Variants in EDA observed in about 807,000 individuals in gnomAD.
The protein encoded by EDA is ectodysplasin-A.
Under a neutral mutation model 23.6 loss-of-function variants are expected in EDA, and 2 were observed. That is an observed-to-expected ratio of 0.08 (90% CI 0.03 to 0.27). The LOEUF (loss-of-function observed/expected upper bound fraction) is 0.27, where lower values mean the gene tolerates loss of function less well. Among genes scored for constraint, EDA ranks in the 10% least tolerant of loss-of-function variants. EDA has a pLI of 1.00. For synonymous variants in EDA, 131 were observed against 132.0 expected (o/e 0.99, Z 0.05); for missense variants, 229 against 324.2 (o/e 0.71, Z 2.26).
At position 70,029,355 on chromosome X, in the gene EDA, C is replaced by CT. The variant is rs2020167534; in HGVS notation, c.707-148dup. ...GGGCAGGAAACAGAAGGGGTGCACTCTGACTCTTCCTCCAGCTCTGAGCCC... is the reference window on the plus strand; with the variant it reads ...GGGCAGGAAACAGAAGGGGTGCACTCTTGACTCTTCCTCCAGCTCTGAGCCC... On this transcript the variant is annotated intron_variant, in intron 4 of 7. Coordinates refer to ENST00000374552, the MANE Select transcript of EDA (RefSeq NM_001399.5). The CT allele has an allele frequency of 1.2e-5, 8 of 674,668 alleles. No homozygotes were observed. In the Admixed American group the frequency reaches 2.1e-4, roughly 17 times the overall value. 55.6% of individuals were successfully genotyped at this position (674,668 alleles called of 1,213,427 possible).
intron 4 of EDA, among the ~76,000 whole-genome samples, chrX:70,028,257 C>T (rs1268807399): frequency 4.5e-5 from 5 of 111,464 alleles, no homozygotes; most frequent in African/African-American, 1.6e-4. Flanking sequence ...GGACAGGCCA[C>T]CTGTTCTTGC....
intron 2 of EDA, among the ~76,000 whole-genome samples, chrX:69,970,438 A>G (rs975681681): frequency 6.3e-5 from 7 of 111,946 alleles, no homozygotes; most frequent in African/African-American, 2.3e-4. Context: ...AATAGTACTA[A>G]TTTATTTCTC....
At chrX:69,815,475 A>G (rs774266686) in intron 1 of EDA, among the ~76,000 whole-genome samples, 1 of 108,376 alleles carries the variant, frequency 9.2e-6, no homozygotes, top group Non-Finnish European at 1.9e-5. Context: ...AGTTGGGTAG[A>G]CTCAGCCGTT....
intron 1 of EDA, among the ~76,000 whole-genome samples, chrX:69,867,521 C>T (rs929751481): frequency 2.7e-5 from 3 of 112,333 alleles, no homozygotes; most frequent in Non-Finnish European, 5.6e-5. Context: ...TATAATCGCA[C>T]ATCTGGCCAT....
chrX:70,027,696 G>A (rs1025759088), intron 3 of EDA, among the ~76,000 whole-genome samples, 161 bp from the exon 4 acceptor site: 1 of 110,744 alleles, frequency 9.0e-6, no homozygotes, highest in Non-Finnish European at 1.9e-5. Context: ...GGTGGCACGC[G>A]CCTGTAATCC....
intron 1 of EDA, among the ~76,000 whole-genome samples, chrX:69,828,858 T>A (rs1355860265): frequency 8.9e-6 from 1 of 112,628 alleles, no homozygotes; most frequent in African/African-American, 3.2e-5. Context: ...TTTTGTCAAG[T>A]GACAGCTAGT....
At chrX:69,651,478 T>A (rs1478720477) in intron 1 of EDA, among the ~76,000 whole-genome samples, 2 of 102,848 alleles carry the variant, frequency 1.9e-5, no homozygotes, top group African/African-American at 7.2e-5. Context: ...ATATAATCTA[T>A]CTACTGATGT....
intron 1 of EDA, among the ~76,000 whole-genome samples, chrX:69,784,755 G>A (rs1176823762): frequency 1.9e-5 from 2 of 104,620 alleles, no homozygotes; most frequent in African/African-American, 3.5e-5. Flanking sequence ...TTTTGGCTTA[G>A]GATTGACTTG....
intron 1 of EDA, among the ~76,000 whole-genome samples, chrX:69,691,532 T>C (rs924739948): frequency 8.9e-6 from 1 of 112,088 alleles, no homozygotes; most frequent in Admixed American, 9.5e-5. Context: ...TTTCAGAATG[T>C]AAGCAGGTGA....
At chrX:69,717,073 G>A (rs1052881635) in intron 1 of EDA, among the ~76,000 whole-genome samples, 2 of 111,133 alleles carry the variant, frequency 1.8e-5, no homozygotes, top group Non-Finnish European at 3.8e-5. Flanking sequence ...TCTCTTGTGT[G>A]ATTGCTCTGG....
At chrX:69,942,777 G>A (rs1250166402) in intron 1 of EDA, among the ~76,000 whole-genome samples, 9 of 111,268 alleles carry the variant, frequency 8.1e-5, no homozygotes, top group Admixed American at 6.7e-4. Context: ...TTTGAAGAAA[G>A]TTTCTGCCCT....
intron 1 of EDA, among the ~76,000 whole-genome samples, chrX:69,709,606 C>T (rs2011886580): frequency 9.0e-6 from 1 of 111,608 alleles, no homozygotes; most frequent in African/African-American, 3.3e-5. Context: ...AGTTTTTTTC[C>T]TAATGAACCC....
At chrX:69,655,447 A>G (rs1933274999) in intron 1 of EDA, among the ~76,000 whole-genome samples, 1 of 110,162 alleles carries the variant, frequency 9.1e-6, no homozygotes, top group African/African-American at 3.3e-5. Flanking sequence ...CAGGAATCTT[A>G]CATTCCTATG....
chrX:69,793,919 GTC>G (rs2015481000), intron 1 of EDA, among the ~76,000 whole-genome samples: 1 of 111,130 alleles, frequency 9.0e-6, no homozygotes, highest in Non-Finnish European at 1.9e-5. Flanking sequence ...TAGAAAACTC[GTC>G]TCTGGCAAAA....
intron 1 of EDA, among the ~76,000 whole-genome samples, chrX:69,681,396 G>A (rs945548939): frequency 1.8e-5 from 2 of 110,682 alleles, no homozygotes; most frequent in Non-Finnish European, 3.8e-5. Context: ...AAGTTCTCCT[G>A]GATAATATCC....
Position 69,676,074 on chromosome X carries a change from A to G in EDA, c.396+59370A>G, listed in dbSNP as rs148886602. 2.9e-4 allele frequency among the ~76,000 whole-genome samples: 32 copies of G among 111,268 alleles called. No individual in the cohort carries two copies. The East Asian group carries it at 7.7e-3, about 27-fold the overall frequency. ...TGACTGAAGCAGAATGAGTAAAAGG[A>G]AGAGTAATAGAGGTGAGGTCAGAGA... On this transcript the variant is annotated intron_variant, in intron 1 of 7. Coordinates refer to ENST00000374552, the MANE Select transcript of EDA (RefSeq NM_001399.5).
chrX:69,891,964 G>T (rs1163631434), intron 1 of EDA, among the ~76,000 whole-genome samples: 1 of 111,585 alleles, frequency 9.0e-6, no homozygotes. Flanking sequence ...GTTAGAAAAG[G>T]ACGCAGGAGA....
intron 1 of EDA, among the ~76,000 whole-genome samples, chrX:69,647,643 A>T (rs1464193986): frequency 9.0e-6 from 1 of 111,387 alleles, no homozygotes; most frequent in Non-Finnish European, 1.9e-5. Context: ...ATGCTCCTTT[A>T]GCTCAGCAAA....
chrX:69,863,551 A>ATG (rs1248124869), intron 1 of EDA, among the ~76,000 whole-genome samples: 1 of 62,949 alleles, frequency 1.6e-5, no homozygotes, highest in Non-Finnish European at 3.0e-5. Context: ...ATATACATAT[A>ATG]TGTATATATA....
Sources: allele counts gnomAD v4.1 joint callset (sites outside exome capture counted in the v4.1 genomes callset), GRCh38; gene constraint gnomAD v4.1.1; transcripts MANE v1.5; gene names NCBI Gene and HGNC (gene_info 2026-07-23, HGNC 2026-07-21).